Variants in SYCE2 observed in about 807,000 individuals in gnomAD.
SYCE2 encodes the protein central element synaptonemal complex 1.
SYCE2 carries 3 observed loss-of-function variants against 27.9 expected under a neutral mutation model. The ratio of observed to expected loss-of-function variants is 0.11; its 90% CI spans 0.05 to 0.28. SYCE2 has a LOEUF of 0.28. SYCE2 is among the 10% of genes least tolerant of loss of function. SYCE2 has a pLI of 1.00. For synonymous variants in SYCE2, 85 were observed against 100.7 expected, an observed-to-expected ratio of 0.84 and a Z score of 0.93; for missense variants, 207 against 263.5, an observed-to-expected ratio of 0.79 and a Z score of 1.48.
chr19:12,910,972 C>T (rs527663973), intron 2 of SYCE2, among the ~76,000 whole-genome samples: 101 of 152,016 alleles, frequency 6.6e-4, no homozygotes, highest in African/African-American at 2.1e-3. Context: ...CCACCGCACC[C>T]GGCCTGACCT....
At chr19:12,916,846 C>T (rs1319629504) in intron 2 of SYCE2, among the ~76,000 whole-genome samples, 1 of 151,946 alleles carries the variant, frequency 6.6e-6, no homozygotes, top group Non-Finnish European at 1.5e-5. Flanking sequence ...AACTCCTGGG[C>T]TCAAGGGATC....
intron 5 of SYCE2, chr19:12,899,707 G>C (rs369596800): frequency 3.6e-5 from 58 of 1,612,224 alleles, no homozygotes; most frequent in Non-Finnish European, 4.7e-5. Flanking sequence ...AAGTCGTTCA[G>C]ATGTGTTCCT....
At chr19:12,914,339 T>C (rs1971098302) in intron 2 of SYCE2, 2 of 152,158 alleles carry the variant, frequency 1.3e-5, no homozygotes, top group Admixed American at 6.6e-5. Context: ...CATTAGCCAA[T>C]TTCAGGCTAC....
intron 2 of SYCE2, among the ~76,000 whole-genome samples, chr19:12,909,036 G>A (rs754659129): frequency 7.9e-5 from 12 of 152,186 alleles, no homozygotes; most frequent in Admixed American, 1.3e-4. Flanking sequence ...TCCCACCTAC[G>A]TCCTGTCTCC....
At chr19:12,905,844 T>C (rs1970924274) in intron 2 of SYCE2, among the ~76,000 whole-genome samples, 1 of 152,154 alleles carries the variant, frequency 6.6e-6, no homozygotes, top group South Asian at 2.1e-4. Context: ...TTCACTATGT[T>C]ATTCAGGCTG....
At chr19:12,899,882 C>T in intron 5 of SYCE2, 122 bp downstream of exon 5, 2 of 1,554,942 alleles carry the variant, frequency 1.3e-6, no homozygotes, top group Non-Finnish European at 1.8e-6. Context: ...TCACAGTGCG[C>T]CCTCCCTCCC....
intron 2 of SYCE2, among the ~76,000 whole-genome samples, chr19:12,913,296 G>T (rs916896781): frequency 1.3e-5 from 2 of 152,366 alleles, no homozygotes; most frequent in African/African-American, 4.8e-5. Flanking sequence ...ATGGGTCTAA[G>T]CGAAGAGACC....
Position 12,899,354 on chromosome 19 carries a change from T to C in SYCE2, c.644A>G (p.Asp215Gly). Reference sequence around the variant, plus strand: ...TCCCGGCAGCTGTCAGCATTCACCATCTCTGTTGGTCTGTACTTCTGAAGC... The same window carrying C: ...TCCCGGCAGCTGTCAGCATTCACCACCTCTGTTGGTCTGTACTTCTGAAGC... ...ATASEVQTNRDGEC is the reference protein window; with the variant it reads ...ATASEVQTNRGGEC Residue 215 changes from aspartate to glycine, a missense_variant, in exon 6 of 6, where the codon GAT becomes GGT. By Grantham distance (94) the Asp-to-Gly change is moderately conservative. Coordinates refer to ENST00000293695, the MANE Select transcript of SYCE2 (RefSeq NM_001105578.2). The C allele has an allele frequency of 5.0e-6, 8 of 1,614,036 alleles. No individual in the cohort carries two copies. Among genetic ancestry groups the C allele is most frequent in the Non-Finnish European group, 6.8e-6 (8 of 1,179,920 alleles).
intron 1 of SYCE2, 33 bp downstream of exon 1, chr19:12,919,210 C>T (rs1227728490): frequency 2.5e-6 from 4 of 1,609,656 alleles, no homozygotes; most frequent in Non-Finnish European, 3.4e-6. Context: ...GTCCGCCCGC[C>T]CCACGCGCGA....
rs544259700 is a variant in SYCE2, at chr19:12,908,377, T to A, written c.132-3711A>T. 6.0e-5 allele frequency among the ~76,000 whole-genome samples: 9 copies of A among 149,138 alleles called. No individual in the cohort carries two copies. The South Asian group carries it at 8.6e-4, about 14-fold the overall frequency. On this transcript the variant is annotated intron_variant, in intron 2 of 5. Coordinates refer to ENST00000293695, the MANE Select transcript of SYCE2 (RefSeq NM_001105578.2). ...TCTCGCTCTGTCACCGAGGCTGGAG[T>A]GCACTGGCATGATCTCAGCTCACTG...
intron 2 of SYCE2, among the ~76,000 whole-genome samples, chr19:12,909,221 C>T (rs534800543): frequency 5.3e-5 from 8 of 152,294 alleles, no homozygotes; most frequent in Admixed American, 4.6e-4. Context: ...AAGTAAATGA[C>T]TTGCGAGTAC....
Position 12,904,529 on chromosome 19 carries a change from G to A in SYCE2, c.269C>T (p.Ala90Val). The change falls in exon 3 of 6, where the codon GCA becomes GTA. Residue 90 changes from alanine (A) to valine (V), a missense_variant. Coordinates refer to ENST00000293695, the MANE Select transcript of SYCE2 (RefSeq NM_001105578.2). ...NINKSRQKDH[A>V]LMTNFRNSLK... Reference sequence around the variant, plus strand: ...GCTGTTCCTGAAGTTGGTCATGAGTGCATGGTCCTTTTGCCGGCTCTTGTT... The same window carrying A: ...GCTGTTCCTGAAGTTGGTCATGAGTACATGGTCCTTTTGCCGGCTCTTGTT... 1 of 1,614,100 alleles carries A rather than the reference G, an allele frequency of 6.2e-7. No individual in the cohort carries two copies. The highest frequency in any genetic ancestry group is 2.2e-5 in the East Asian group (1 of 44,862).
chr19:12,904,209 C>A (rs117478632), intron 3 of SYCE2, among the ~76,000 whole-genome samples: 12 of 152,330 alleles, frequency 7.9e-5, no homozygotes, highest in African/African-American at 2.9e-4. Context: ...CAAGCCTTAT[C>A]TATATCATGG....
chr19:12,915,601 CAAA>C (rs71168634), intron 2 of SYCE2, among the ~76,000 whole-genome samples: 11 of 81,256 alleles, frequency 1.4e-4, no homozygotes, highest in East Asian at 5.0e-4. Flanking sequence ...GACTCCATCT[CAAA>C]AAAAAAAAAA....
chr19:12,915,759 C>T (rs552763618), intron 2 of SYCE2, among the ~76,000 whole-genome samples: 138 of 152,208 alleles, frequency 9.1e-4, no homozygotes, highest in Non-Finnish European at 1.5e-3. Flanking sequence ...GTACCCCACT[C>T]GCTCGCCTAG....
chr19:12,903,056 AAAAG>A (rs1300565479), intron 3 of SYCE2, among the ~76,000 whole-genome samples: 4 of 151,112 alleles, frequency 2.6e-5, no homozygotes, highest in East Asian at 1.9e-4. Flanking sequence ...AAAAAAAAGA[AAAAG>A]AAAAAACCAG....
Position 12,904,480 on chromosome 19 carries a change from G to A in SYCE2, c.306+12C>T, listed in dbSNP as rs761045539. On this transcript the variant is annotated intron_variant, in intron 3 of 5. Transcript: ENST00000293695. ...TAAGGAATCCCCCCTCTCGCTGGGT[G>A]GAGTCTGTCACCTTGGTCTTCAGGC... 1 of 1,613,968 alleles carries A rather than the reference G, an allele frequency of 6.2e-7. No individual in the cohort carries two copies. Among genetic ancestry groups the A allele is most frequent in the Non-Finnish European group, 8.5e-7 (1 of 1,179,898 alleles).
At chr19:12,899,644 A>T in intron 5 of SYCE2, 1 of 1,612,554 alleles carries the variant, frequency 6.2e-7, no homozygotes, top group Non-Finnish European at 8.5e-7. Flanking sequence ...GAGGTGGCGG[A>T]TGGAGTGGGA....
intron 2 of SYCE2, among the ~76,000 whole-genome samples, chr19:12,916,574 T>C (rs552078929): frequency 6.6e-6 from 1 of 152,270 alleles, no homozygotes; most frequent in African/African-American, 2.4e-5. Flanking sequence ...TGTTTCTTCA[T>C]TCCACTTACT....
Sources: gnomAD v4.1 joint callset for allele counts (sites outside exome capture counted in the v4.1 genomes callset) on GRCh38, gnomAD v4.1.1 for gene constraint, MANE v1.5 for transcripts, NCBI Gene and HGNC (gene_info 2026-07-23, HGNC 2026-07-21) for gene names.